The following EYS variants were observed in gnomAD, a reference collection of about 807,000 sequenced individuals.
EYS encodes EGF-like photoreceptor maintenance factor.
EYS carries 250 observed loss-of-function variants against 282.1 expected under a neutral mutation model. The ratio of observed to expected loss-of-function variants is 0.89; its 90% CI spans 0.80 to 0.98. EYS has a LOEUF of 0.98. Among genes scored for constraint, EYS ranks in the 50% least tolerant of loss-of-function variants. The probability of loss-of-function intolerance (pLI) is 0.00; values close to 1 mark genes in which losing one functional copy is unlikely to be tolerated. For missense variants in EYS, 4,016 were observed against 3,709.0 expected (o/e 1.08, Z -2.15); for synonymous variants, 1,355 against 1,282.9 (o/e 1.06, Z -1.20).
At chr6:64,782,865 C>T (rs148419233) in intron 22 of EYS, among the ~76,000 whole-genome samples, 154 of 152,262 alleles carry the variant, frequency 1.0e-3, no homozygotes, top group Admixed American at 3.1e-3. Context: ...TTAGTATTTA[C>T]GATTCAAGTA....
intron 33 of EYS, among the ~76,000 whole-genome samples, chr6:64,062,164 A>AC (rs1038514869): frequency 1.3e-5 from 2 of 152,156 alleles, no homozygotes; most frequent in African/African-American, 4.8e-5. Flanking sequence ...GTACCAAAAG[A>AC]CCTTTAAATT....
intron 22 of EYS, among the ~76,000 whole-genome samples, chr6:64,800,900 T>C (rs1774524689): frequency 6.6e-6 from 1 of 152,050 alleles, no homozygotes; most frequent in Non-Finnish European, 1.5e-5. Context: ...TTTTTCACAA[T>C]TGCACGTCAG....
chr6:64,261,562 T>G (rs1276064667), intron 30 of EYS, among the ~76,000 whole-genome samples: 1 of 152,096 alleles, frequency 6.6e-6, no homozygotes, highest in African/African-American at 2.4e-5. Flanking sequence ...ATTTCATGTT[T>G]TATTAACATG....
intron 7 of EYS, among the ~76,000 whole-genome samples, chr6:65,393,790 T>C (rs1241102636): frequency 6.6e-6 from 1 of 151,960 alleles, no homozygotes; most frequent in Non-Finnish European, 1.5e-5. Flanking sequence ...ATACATCAAA[T>C]TGAAATTTAA....
chr6:65,402,634 A>T, intron 6 of EYS, 29 bp from the exon 7 acceptor site: 2 of 1,457,288 alleles, frequency 1.4e-6, no homozygotes, highest in African/African-American at 1.4e-5. Flanking sequence ...ATATTTTTAC[A>T]AAGTATTATG....
chr6:65,215,528 G>T (rs1401203963), intron 12 of EYS, among the ~76,000 whole-genome samples: 1 of 152,194 alleles, frequency 6.6e-6, no homozygotes, highest in Admixed American at 6.5e-5. Flanking sequence ...TGAAGGTGCT[G>T]TGAACATTGT....
At chr6:63,969,812 TACA>T (rs770742725) in intron 35 of EYS, among the ~76,000 whole-genome samples, 1 of 152,208 alleles carries the variant, frequency 6.6e-6, no homozygotes, top group Non-Finnish European at 1.5e-5. Flanking sequence ...CAAAAAGCAT[TACA>T]ACAACTTTTG....
intron 13 of EYS, among the ~76,000 whole-genome samples, chr6:65,051,834 A>G (rs1327907583): frequency 6.6e-6 from 1 of 151,548 alleles, no homozygotes; most frequent in Admixed American, 6.6e-5. Context: ...AGGTACTAGC[A>G]TTAACTTCAT....
At chr6:64,797,310 G>GA (rs11324051) in intron 22 of EYS, among the ~76,000 whole-genome samples, 12 of 148,926 alleles carry the variant, frequency 8.1e-5, no homozygotes, top group South Asian at 2.1e-4. Flanking sequence ...GATTGACAAA[G>GA]AAAAAAAAAA....
At chr6:64,340,254 A>C (rs546403023) in intron 29 of EYS, among the ~76,000 whole-genome samples, 1 of 151,840 alleles carries the variant, frequency 6.6e-6, no homozygotes, top group South Asian at 2.1e-4. Context: ...AAAAGAAGCC[A>C]AATAGCCAAA....
At chr6:64,978,619 C>A (rs1770550305) in intron 14 of EYS, among the ~76,000 whole-genome samples, 1 of 151,790 alleles carries the variant, frequency 6.6e-6, no homozygotes. Flanking sequence ...ATAGTAATTT[C>A]TCTGATGGAT....
chr6:64,805,905 G>A (rs1764407121), intron 22 of EYS, among the ~76,000 whole-genome samples: 1 of 151,278 alleles, frequency 6.6e-6, no homozygotes, highest in Non-Finnish European at 1.5e-5. Context: ...GCAATTATAA[G>A]GGTTGTGATA....
chr6:64,374,466 A>T (rs1263468844), intron 29 of EYS, among the ~76,000 whole-genome samples: 1 of 152,034 alleles, frequency 6.6e-6, no homozygotes, highest in Non-Finnish European at 1.5e-5. Flanking sequence ...AGTCTTGCAC[A>T]GATCCCTGTG....
At chr6:64,308,477 C>T (rs544524317) in intron 29 of EYS, among the ~76,000 whole-genome samples, 1 of 152,082 alleles carries the variant, frequency 6.6e-6, no homozygotes, top group South Asian at 2.1e-4. Flanking sequence ...CAGATGCTGT[C>T]CTCTGATAAG....
rs548896884 is a variant in EYS at position 65,607,231 on chromosome 6, A to T, written c.-333+32547T>A. Among the ~76,000 whole-genome samples the T allele has an allele frequency of 9.9e-5, 15 of 151,954 alleles. No homozygotes were observed. In the South Asian group the frequency reaches 3.1e-3, roughly 31 times the overall value. On this transcript the variant is annotated intron_variant, in intron 2 of 42. Transcript: ENST00000503581. ...TCTCATTTATGAGATTTCACCCTGG[A>T]TCACATTTTTAGTTTGTCATAAAGG... is the stretch of plus-strand genomic sequence containing the variant.
At chr6:65,021,558 A>T (rs1266236429) in intron 13 of EYS, among the ~76,000 whole-genome samples, 1 of 152,100 alleles carries the variant, frequency 6.6e-6, no homozygotes, top group African/African-American at 2.4e-5. Context: ...AGAAGTTCCA[A>T]ATGTTCCCAC....
chr6:65,652,869 C>T (rs999981356), intron 1 of EYS, among the ~76,000 whole-genome samples: 2 of 151,830 alleles, frequency 1.3e-5, no homozygotes, highest in Non-Finnish European at 2.9e-5. Flanking sequence ...GATAACTATC[C>T]AGGATATAAG....
In EYS at chr6:65,643,730, G is replaced by T. The variant is rs570091083; in HGVS notation, c.-447-3838C>A. 2.6e-5 allele frequency among the ~76,000 whole-genome samples: 4 copies of T among 152,182 alleles called. 1 individual carries two copies. The highest frequency in any genetic ancestry group is 9.6e-5 in the African/African-American group (4 of 41,526). On this transcript the variant is annotated intron_variant, in intron 1 of 42. Coordinates refer to ENST00000503581, the MANE Select transcript of EYS (RefSeq NM_001142800.2). ...AGGTTACTGGTATCCACAGCTGAAA[G>T]ACCTGAAGATGAATCACATCAGAGG...
chr6:63,797,766 C>G (rs933508379), intron 37 of EYS: 2 of 152,166 alleles, frequency 1.3e-5, no homozygotes, highest in African/African-American at 4.8e-5. Flanking sequence ...TAGACTGGCT[C>G]TTTTTGTGGC....
Sources: allele counts gnomAD v4.1 joint callset (sites outside exome capture counted in the v4.1 genomes callset), GRCh38; gene constraint gnomAD v4.1.1; transcripts MANE v1.5; gene names NCBI Gene and HGNC (gene_info 2026-07-23, HGNC 2026-07-21).